Variants in NLGN1 observed in about 807,000 individuals in gnomAD.
NLGN1 encodes neuroligin-1.
A neutral mutation model predicts 65.5 loss-of-function variants in NLGN1; 12 were observed. The ratio of observed to expected loss-of-function variants is 0.18; its 90% CI spans 0.12 to 0.30. NLGN1 has a LOEUF of 0.30. NLGN1 is among the 10% of genes least tolerant of loss of function. The pLI, the probability that NLGN1 is intolerant of heterozygous loss-of-function variation, is 1.00. For missense variants in NLGN1, 750 were observed against 1,007.1 expected (o/e 0.74, Z 3.46); for synonymous variants, 350 against 359.5 (o/e 0.97, Z 0.30).
chr3:173,500,854 G>A (rs948358571), intron 2 of NLGN1, among the ~76,000 whole-genome samples: 1 of 151,742 alleles, frequency 6.6e-6, no homozygotes, highest in Non-Finnish European at 1.5e-5. Context: ...ACAACACTGA[G>A]CCCATATAAT....
At chr3:173,678,818 G>C (rs1020477645) in intron 3 of NLGN1, among the ~76,000 whole-genome samples, 6 of 152,100 alleles carry the variant, frequency 3.9e-5, no homozygotes, top group Admixed American at 1.3e-4. Context: ...TCTAATCTAG[G>C]TGAGAAACAT....
At chr3:173,608,053 A>G (rs1167787749) in intron 3 of NLGN1, among the ~76,000 whole-genome samples, 1 of 151,920 alleles carries the variant, frequency 6.6e-6, no homozygotes, top group Non-Finnish European at 1.5e-5. Context: ...CATAGAACTT[A>G]TAATCAAACA....
intron 4 of NLGN1, among the ~76,000 whole-genome samples, chr3:174,113,060 A>T (rs944798001): frequency 6.6e-6 from 1 of 151,914 alleles, no homozygotes; most frequent in Non-Finnish European, 1.5e-5. Flanking sequence ...GTTAGATAGG[A>T]TGGAGGGATT....
At chr3:174,247,166 A>G (rs1405056149) in intron 4 of NLGN1, among the ~76,000 whole-genome samples, 3 of 152,186 alleles carry the variant, frequency 2.0e-5, no homozygotes, top group Admixed American at 1.3e-4. Context: ...TTGAGGTATT[A>G]TTATTTTTTG....
At chr3:173,942,432 T>C (rs1746326810) in intron 4 of NLGN1, among the ~76,000 whole-genome samples, 1 of 152,144 alleles carries the variant, frequency 6.6e-6, no homozygotes. Flanking sequence ...GTAGCCATTA[T>C]AGGATGAAAA....
At chr3:173,809,344 C>T (rs912925949) in intron 4 of NLGN1, among the ~76,000 whole-genome samples, 1 of 152,068 alleles carries the variant, frequency 6.6e-6, no homozygotes, top group Non-Finnish European at 1.5e-5. Flanking sequence ...GGAACATTTT[C>T]ATTGGAAGGA....
intron 4 of NLGN1, among the ~76,000 whole-genome samples, chr3:174,134,527 C>T (rs1239770102): frequency 6.6e-6 from 1 of 152,070 alleles, no homozygotes; most frequent in Admixed American, 6.6e-5. Flanking sequence ...TATACTGTCC[C>T]CTTCCAGACT....
At chr3:173,972,882 T>C (rs2152377803) in intron 4 of NLGN1, among the ~76,000 whole-genome samples, 1 of 152,220 alleles carries the variant, frequency 6.6e-6, no homozygotes, top group African/African-American at 2.4e-5. Flanking sequence ...TCAGAAACTC[T>C]AGGGGTGGAG....
At chr3:173,508,980 A>T (rs1040644720) in intron 2 of NLGN1, among the ~76,000 whole-genome samples, 1 of 152,142 alleles carries the variant, frequency 6.6e-6, no homozygotes, top group Non-Finnish European at 1.5e-5. Flanking sequence ...ATTTTCCATG[A>T]TAGTCCTGAT....
chr3:174,174,510 T>C (rs925095257), intron 4 of NLGN1, among the ~76,000 whole-genome samples: 11 of 152,064 alleles, frequency 7.2e-5, no homozygotes, highest in Admixed American at 5.9e-4. Flanking sequence ...TATTTGATTA[T>C]GGTCATTCTT....
intron 3 of NLGN1, among the ~76,000 whole-genome samples, chr3:173,626,696 G>A (rs1754874806): frequency 6.6e-6 from 1 of 151,974 alleles, no homozygotes; most frequent in African/African-American, 2.4e-5. Context: ...ACATACCTAG[G>A]CTATTCTAGA....
intron 1 of NLGN1, among the ~76,000 whole-genome samples, chr3:173,415,981 C>G (rs1412835840): frequency 6.7e-6 from 1 of 149,956 alleles, no homozygotes; most frequent in African/African-American, 2.5e-5. Flanking sequence ...AGAGTGCATA[C>G]ATAAAATGAA....
intron 3 of NLGN1, among the ~76,000 whole-genome samples, chr3:173,790,885 G>T (rs1232885783): frequency 6.6e-6 from 1 of 152,028 alleles, no homozygotes; most frequent in Non-Finnish European, 1.5e-5. Flanking sequence ...CATGTCAAAG[G>T]TTACACAGCT....
chr3:173,835,580 T>TACACACACACAC (rs57183549), intron 4 of NLGN1, among the ~76,000 whole-genome samples: 17,881 of 146,354 alleles, frequency 0.12, 1,141 homozygotes, highest in Non-Finnish European at 0.13. Flanking sequence ...TTCAAACACA[T>TACACACACACAC]ACACACACAC....
At chr3:174,212,326 G>A (rs7640495) in intron 4 of NLGN1, among the ~76,000 whole-genome samples, 16,786 of 152,188 alleles carry the variant, frequency 0.11, 2,074 homozygotes, top group African/African-American at 0.3. Context: ...AGCGCCGTGC[G>A]CAGCCCGGGT....
chr3:173,951,284 A>G (rs186558319), intron 4 of NLGN1, among the ~76,000 whole-genome samples: 204 of 152,256 alleles, frequency 1.3e-3, no homozygotes, highest in African/African-American at 4.7e-3. Context: ...GTTTGTTCAA[A>G]TTTGTCTAAT....
intron 2 of NLGN1, among the ~76,000 whole-genome samples, chr3:173,469,180 C>T (rs926935673): frequency 2.6e-5 from 4 of 152,038 alleles, no homozygotes; most frequent in Admixed American, 6.6e-5. Context: ...CCAGTTCTTA[C>T]TGGTAAAATG....
chr3:173,449,730 A>G (rs1399612213), intron 2 of NLGN1, among the ~76,000 whole-genome samples: 1 of 152,178 alleles, frequency 6.6e-6, no homozygotes, highest in Non-Finnish European at 1.5e-5. Flanking sequence ...GACTTGCTTT[A>G]TGAATCTGGG....
intron 4 of NLGN1, among the ~76,000 whole-genome samples, chr3:174,206,966 C>T (rs1465364222): frequency 2.0e-5 from 3 of 152,004 alleles, no homozygotes; most frequent in Non-Finnish European, 4.4e-5. Flanking sequence ...TGCCTTATTC[C>T]CCCTGGACTG....
Sources: allele counts gnomAD v4.1 joint callset (sites outside exome capture counted in the v4.1 genomes callset), GRCh38; gene constraint gnomAD v4.1.1; transcripts MANE v1.5; gene names NCBI Gene and HGNC (gene_info 2026-07-23, HGNC 2026-07-21).